The following LIMA1 variants were observed in gnomAD, a reference collection of about 807,000 sequenced individuals.
LIMA1 encodes LIM domain and actin-binding protein 1.
In LIMA1, 52 loss-of-function variants were observed where a neutral mutation model predicts 62.6. The observed-to-expected ratio is 0.83, with a 90% CI of 0.67 to 1.05. LIMA1 has a LOEUF of 1.05. Ranked by LOEUF, LIMA1 falls within the 50% of genes least tolerant of loss-of-function variation. The probability of loss-of-function intolerance (pLI) is 0.00; values close to 1 mark genes in which losing one functional copy is unlikely to be tolerated. For missense variants in LIMA1, 780 were observed against 902.2 expected (o/e 0.86, Z 1.74); for synonymous variants, 302 against 317.8 (o/e 0.95, Z 0.53).
chr12:50,181,922 T>C lies in LIMA1; in HGVS notation c.1256A>G (p.Tyr419Cys), dbSNP rs944342843. The change falls in exon 10 of 11, where the codon TAT (tyrosine) becomes TGT (cysteine). Residue 419 changes from tyrosine (Y) to cysteine (C), a missense_variant. By Grantham distance (194) the Tyr-to-Cys change is radical (BLOSUM62 -2). Coordinates refer to ENST00000341247, the MANE Select transcript of LIMA1 (RefSeq NM_016357.5). Reference sequence around the variant, plus strand: ...GACTTACCTGAGTTTGTTGTTGCAATAGGAGCAACGGAAGCAGCTGATGTG... The same window carrying C: ...GACTTACCTGAGTTTGTTGTTGCAACAGGAGCAACGGAAGCAGCTGATGTG... ...VFHISCFRCS[Y>C]CNNKLSLGTY... 5 of 1,614,082 alleles carry C rather than the reference T, an allele frequency of 3.1e-6. No individual in the cohort carries two copies. Among genetic ancestry groups the C allele is most frequent in the Non-Finnish European group, 4.2e-6 (5 of 1,180,014 alleles).
chr12:50,269,509 T>C (rs1942178008), intron 1 of LIMA1, among the ~76,000 whole-genome samples: 1 of 152,184 alleles, frequency 6.6e-6, no homozygotes, highest in Non-Finnish European at 1.5e-5. Context: ...ATATCTCTAA[T>C]GTAATAATAT....
chr12:50,258,262 A>C (rs1480933676), intron 1 of LIMA1, among the ~76,000 whole-genome samples: 2 of 151,622 alleles, frequency 1.3e-5, no homozygotes, highest in African/African-American at 4.9e-5. Context: ...ACCAAGAATT[A>C]TATGTATGTA....
At chr12:50,256,911 C>A (rs966680266) in intron 1 of LIMA1, among the ~76,000 whole-genome samples, 12 of 152,218 alleles carry the variant, frequency 7.9e-5, no homozygotes, top group African/African-American at 2.7e-4. Flanking sequence ...CTTCACAGTG[C>A]ATCATATCAG....
At position 50,248,780 on chromosome 12, in the gene LIMA1, C is replaced by A; in HGVS notation, c.-23-6G>T. 1 of 1,302,364 alleles carries A rather than the reference C, an allele frequency of 7.7e-7. No individual in the cohort carries two copies. The highest frequency in any genetic ancestry group is 1.1e-6 in the Non-Finnish European group (1 of 897,656). 80.7% of individuals were successfully genotyped at this position (1,302,364 alleles called of 1,614,324 possible). On this transcript the variant is annotated splice_region_variant and splice_polypyrimidine_tract_variant and intron_variant, in intron 1 of 10. Transcript: ENST00000341247. Reference sequence around the variant, plus strand: ...GTCTACAGACACTGAAATACCTATGCAATAAAGAAAGTCAGAACATTAGAC... The same window carrying A: ...GTCTACAGACACTGAAATACCTATGAAATAAAGAAAGTCAGAACATTAGAC...
intron 2 of LIMA1, among the ~76,000 whole-genome samples, chr12:50,245,427 AAG>A (rs1179144501): frequency 2.0e-5 from 3 of 151,178 alleles, no homozygotes; most frequent in Non-Finnish European, 4.4e-5. Context: ...AAAAAAAAAA[AAG>A]AGAGAGAGAG....
At chr12:50,282,151 A>G (rs1000386090) in intron 1 of LIMA1, among the ~76,000 whole-genome samples, 1 of 152,110 alleles carries the variant, frequency 6.6e-6, no homozygotes, top group African/African-American at 2.4e-5. Flanking sequence ...TTTTTTGAAG[A>G]TCTATCTAAA....
chr12:50,270,388 CAGG>C (rs1241847041), intron 1 of LIMA1, among the ~76,000 whole-genome samples: 2 of 151,750 alleles, frequency 1.3e-5, no homozygotes, highest in Non-Finnish European at 2.9e-5. Context: ...TGCTTGAGTT[CAGG>C]AGTTCAAGAC....
chr12:50,283,087 G>A (rs1247523013), intron 1 of LIMA1, among the ~76,000 whole-genome samples: 2 of 151,768 alleles, frequency 1.3e-5, no homozygotes, highest in African/African-American at 4.8e-5. Flanking sequence ...CTGGAAGGAG[G>A]GTATTTGGAG....
Position 50,204,580 on chromosome 12 carries a change from G to C in LIMA1, c.836C>G (p.Ser279Cys), listed in dbSNP as rs1164090356. 1.2e-6 allele frequency: 2 copies of C among 1,614,030 alleles called. No homozygotes were observed. Among genetic ancestry groups the C allele is most frequent in the Non-Finnish European group, 1.7e-6 (2 of 1,180,032 alleles). Residue 279 changes from serine to cysteine, a missense_variant, in exon 6 of 11, where the codon TCC becomes TGC. Ser to Cys is a moderately radical substitution (Grantham distance 112, BLOSUM62 -1). Transcript: ENST00000341247. ...ATAGTTGGTTGAGCTGCTTTGTTTGGACACAGCTGCCTGGTACTTGGCCAT... is the reference window on the plus strand; with the variant it reads ...ATAGTTGGTTGAGCTGCTTTGTTTGCACACAGCTGCCTGGTACTTGGCCAT... ...DRMAKYQAAVSKQSSSTNYTN... is the reference protein window; with the variant it reads ...DRMAKYQAAVCKQSSSTNYTN...
intron 4 of LIMA1, among the ~76,000 whole-genome samples, chr12:50,215,382 A>C (rs1301809323): frequency 1.3e-5 from 2 of 152,182 alleles, no homozygotes; most frequent in African/African-American, 4.8e-5. Context: ...GTCACAAACA[A>C]GAGAAAAGGG....
intron 1 of LIMA1, among the ~76,000 whole-genome samples, chr12:50,282,555 G>A (rs56968790): frequency 0.017 from 2,646 of 152,278 alleles, 79 homozygotes; most frequent in African/African-American, 0.06. Context: ...GTAGAGACAA[G>A]GGTCTCGCTA....
intron 3 of LIMA1, among the ~76,000 whole-genome samples, chr12:50,228,520 T>C (rs1345563517): frequency 6.6e-6 from 1 of 152,358 alleles, no homozygotes; most frequent in Admixed American, 6.5e-5. Context: ...TGGTTACTCC[T>C]TATATCTCCA....
intron 1 of LIMA1, among the ~76,000 whole-genome samples, chr12:50,272,190 A>G (rs1942219669): frequency 6.6e-6 from 1 of 152,056 alleles, no homozygotes; most frequent in African/African-American, 2.4e-5. Flanking sequence ...CAATCTGAAG[A>G]GTCAGTTCAG....
At chr12:50,181,398 C>T (rs535760924) in intron 10 of LIMA1, among the ~76,000 whole-genome samples, 36 of 152,200 alleles carry the variant, frequency 2.4e-4, no homozygotes, top group African/African-American at 8.2e-4. Context: ...AATGTTTCCC[C>T]GATTTGTCAC....
chr12:50,222,128 A>G lies in LIMA1; in HGVS notation c.523T>C (p.Ser175Pro). 1 of 1,613,906 alleles carries G rather than the reference A, an allele frequency of 6.2e-7. No individual in the cohort carries two copies. The highest frequency in any genetic ancestry group is 8.5e-7 in the Non-Finnish European group (1 of 1,179,980). The change falls in exon 4 of 11, where the codon TCA becomes CCA. Residue 175 changes from serine to proline, a missense_variant. Physicochemically the swap from Ser to Pro is moderately conservative, Grantham distance 74. Coordinates refer to ENST00000341247, the MANE Select transcript of LIMA1 (RefSeq NM_016357.5). ...GCATCTGTGTTTTCACTGATTTCTG[A>G]TTTTTCTACTTCATGCCTGGATTCT... The part of the protein sequence containing the change: ...LGESRHEVEK[S>P]EISENTDASG...
chr12:50,187,962 C>G (rs1271891068), intron 9 of LIMA1: 3 of 152,118 alleles, frequency 2.0e-5, no homozygotes, highest in Non-Finnish European at 2.9e-5. Flanking sequence ...GTAGAAAGGC[C>G]TGATACTTCT....
At chr12:50,223,097 T>A (rs1280650890) in intron 3 of LIMA1, among the ~76,000 whole-genome samples, 2 of 152,238 alleles carry the variant, frequency 1.3e-5, no homozygotes, top group Non-Finnish European at 2.9e-5. Flanking sequence ...TGACATAATT[T>A]ACATGCATAT....
At chr12:50,187,428 C>T (rs1940655604) in intron 9 of LIMA1, 1 of 152,198 alleles carries the variant, frequency 6.6e-6, no homozygotes, top group African/African-American at 2.4e-5. Flanking sequence ...TGAAATTCTT[C>T]ACCACACAGC....
At chr12:50,263,834 GTATATATATATATATATAGAGAGTA>G (rs1213322242) in intron 1 of LIMA1, among the ~76,000 whole-genome samples, 28 of 116,234 alleles carry the variant, frequency 2.4e-4, no homozygotes, top group Admixed American at 7.7e-4. Flanking sequence ...TATAGAGAGA[GTATATATATATATATATAGAGAGTA>G]TATATATATA....
Sources: gnomAD v4.1 joint callset for allele counts (sites outside exome capture counted in the v4.1 genomes callset) on GRCh38, gnomAD v4.1.1 for gene constraint, MANE v1.5 for transcripts, NCBI Gene and HGNC (gene_info 2026-07-23, HGNC 2026-07-21) for gene names.